RCOR3: variants seen among roughly 807,000 people sequenced by gnomAD.
The protein encoded by RCOR3 is REST corepressor 3.
In RCOR3, 13 loss-of-function variants were observed where a neutral mutation model predicts 64.1. That is an observed-to-expected ratio of 0.20 (90% CI 0.13 to 0.32). The LOEUF is 0.32. RCOR3 is among the 10% of genes least tolerant of loss of function. The pLI is 1.00. For missense variants in RCOR3, 489 were observed against 701.2 expected, an observed-to-expected ratio of 0.70 and a Z score of 3.42; for synonymous variants, 215 against 239.0, an observed-to-expected ratio of 0.90 and a Z score of 0.93.
At chr1:211,285,338 C>A (rs1477861768) in intron 7 of RCOR3, among the ~76,000 whole-genome samples, 1 of 152,178 alleles carries the variant, frequency 6.6e-6, no homozygotes, top group Non-Finnish European at 1.5e-5. Context: ...TTGATGCTAG[C>A]TGTAGGTTGG....
chr1:211,281,872 C>G (rs1697860211), intron 7 of RCOR3, among the ~76,000 whole-genome samples: 1 of 152,150 alleles, frequency 6.6e-6, no homozygotes, highest in Non-Finnish European at 1.5e-5. Flanking sequence ...TTTCCCCTCC[C>G]TGCCTTCCTG....
intron 9 of RCOR3, among the ~76,000 whole-genome samples, chr1:211,296,847 T>C (rs1000030453): frequency 2.6e-5 from 4 of 152,246 alleles, no homozygotes; most frequent in African/African-American, 9.6e-5. Flanking sequence ...ACAAAAATTA[T>C]TTTAATTTTG....
intron 2 of RCOR3, among the ~76,000 whole-genome samples, chr1:211,269,982 T>G (rs1033754412): frequency 6.6e-6 from 1 of 152,228 alleles, no homozygotes; most frequent in East Asian, 1.9e-4. Context: ...AAGAAAGAAA[T>G]TAGAAAATGT....
At position 211,263,277 on chromosome 1, in the gene RCOR3, G is replaced by C. The variant is rs566141402; in HGVS notation, c.223+3113G>C. 2.5e-4 allele frequency among the ~76,000 whole-genome samples: 38 copies of C among 151,780 alleles called. 1 individual carries two copies. Among genetic ancestry groups the C allele is most frequent in the African/African-American group, 8.9e-4 (37 of 41,368 alleles). On this transcript the variant is annotated intron_variant, in intron 2 of 11. Transcript: ENST00000419091. ...TTTCTTAATCCAGTCTATCATTGTT[G>C]GACATTTGGGTTGGTTCCAAGTCTT...
chr1:211,300,786 T>C (rs955645770), intron 9 of RCOR3, among the ~76,000 whole-genome samples: 2 of 152,224 alleles, frequency 1.3e-5, no homozygotes, highest in Non-Finnish European at 2.9e-5. Context: ...GTTTATTGAA[T>C]GTATGCCCCA....
chr1:211,264,436 C>T (rs973128724), intron 2 of RCOR3, among the ~76,000 whole-genome samples: 5 of 152,170 alleles, frequency 3.3e-5, no homozygotes, highest in Admixed American at 3.3e-4. Context: ...AATCCCAGCT[C>T]TTTGGGAGGC....
chr1:211,272,592 G>C (rs566627670), intron 3 of RCOR3, among the ~76,000 whole-genome samples: 1 of 144,842 alleles, frequency 6.9e-6, no homozygotes, highest in African/African-American at 2.5e-5. Context: ...AGGCTTCAAG[G>C]GTGGATCCTG....
Position 211,313,515 on chromosome 1 carries a change from A to T in RCOR3, c.1409A>T (p.Asn470Ile), listed in dbSNP as rs763801630. The T allele has an allele frequency of 6.2e-7, 1 of 1,613,938 alleles. No homozygotes were observed. The highest frequency in any genetic ancestry group is 1.3e-5 in the African/African-American group (1 of 74,876). The stretch of plus-strand genomic sequence containing the variant: ...CCAACAGCCCCTATTGCCACTCTGA[A>T]CCAGCCTCCACCACTTCTTCGTCCA... ...PTPTAPIATL[N>I]QPPPLLRPTL... The change falls in exon 12 of 12, where the codon AAC (asparagine) becomes ATC (isoleucine). Residue 470 changes from asparagine (N) to isoleucine (I), a missense_variant. By Grantham distance (149) the Asn-to-Ile change is moderately radical (BLOSUM62 -3). Transcript: ENST00000419091. The surrounding 1 kb of genome is among the most constrained non-coding windows in gnomAD (Gnocchi z 4.7).
At chr1:211,282,513 T>G (rs1256162840) in intron 7 of RCOR3, among the ~76,000 whole-genome samples, 2 of 151,786 alleles carry the variant, frequency 1.3e-5, no homozygotes, top group Non-Finnish European at 2.9e-5. Flanking sequence ...GTTTTTTTTT[T>G]TTTTTTGAGA....
intron 7 of RCOR3, among the ~76,000 whole-genome samples, chr1:211,281,283 G>A (rs930044061): frequency 3.3e-5 from 5 of 151,912 alleles, no homozygotes; most frequent in Admixed American, 1.3e-4. Flanking sequence ...AATTTTAGTG[G>A]CATCTTTTTC....
Position 211,313,496 on chromosome 1 carries a change from G to T in RCOR3, c.1390G>T (p.Ala464Ser). 6.2e-7 allele frequency: 1 copy of T among 1,614,054 alleles called. No individual in the cohort carries two copies. Among genetic ancestry groups the T allele is most frequent in the Non-Finnish European group, 8.5e-7 (1 of 1,179,990 alleles). Reference protein sequence around the residue: ...PAPSSTPTPTAPIATLNQPPP... With the variant: ...PAPSSTPTPTSPIATLNQPPP... ...CCCATCATCCACTCCAACACCAACAGCCCCTATTGCCACTCTGAACCAGCC... is the reference window on the plus strand; with the variant it reads ...CCCATCATCCACTCCAACACCAACATCCCCTATTGCCACTCTGAACCAGCC... The change falls in exon 12 of 12, where the codon GCC becomes TCC. Residue 464 changes from alanine to serine, a missense_variant. Ala to Ser is a moderately conservative substitution (Grantham distance 99, BLOSUM62 1). Transcript: ENST00000419091. This position sits in a 1 kb window ranked among gnomAD's most constrained non-coding sequence, Gnocchi z 4.7.
intron 2 of RCOR3, among the ~76,000 whole-genome samples, chr1:211,261,686 C>T (rs891780990): frequency 3.3e-5 from 5 of 152,040 alleles, no homozygotes; most frequent in African/African-American, 1.2e-4. Flanking sequence ...CTTTGGGAGG[C>T]TGAGGCGGGT....
chr1:211,274,211 G>A lies in RCOR3; in HGVS notation c.303G>A (p.Leu101=). The A allele has an allele frequency of 6.3e-7, 1 of 1,593,038 alleles. No individual in the cohort carries two copies. The highest frequency in any genetic ancestry group is 8.6e-7 in the Non-Finnish European group (1 of 1,162,404). ...SPYHSIPDAK[L]DEYIAIAKEK... is the part of the protein sequence containing the mutation. ...TTATATAACATTATTTCATTGCAGT[G>A]GATGAATACATTGCAATTGCAAAGG... The change falls in exon 4 of 12, where the codon TTG becomes TTA. Residue 101 remains leucine (L), a splice_region_variant and synonymous_variant. Coordinates refer to ENST00000419091, the MANE Select transcript of RCOR3 (RefSeq NM_001136223.3).
chr1:211,296,132 A>T (rs147762505), intron 9 of RCOR3, among the ~76,000 whole-genome samples: 3 of 152,204 alleles, frequency 2.0e-5, no homozygotes, highest in African/African-American at 7.2e-5. Flanking sequence ...GAAAAATATC[A>T]TGAAAACAAG....
intron 9 of RCOR3, among the ~76,000 whole-genome samples, chr1:211,296,120 A>C (rs1699840199): frequency 6.6e-6 from 1 of 152,180 alleles, no homozygotes; most frequent in African/African-American, 2.4e-5. Context: ...GTAACACGGC[A>C]AGAAAAATAT....
At position 211,295,512 on chromosome 1, in the gene RCOR3, A is replaced by G. The variant is rs187469007; in HGVS notation, c.940-164A>G. ...ATGTTTAATTAGTTCATACATGTAT[A>G]AGTTGAATTAGTGGCATGTCATACC... On this transcript the variant is annotated intron_variant, in intron 8 of 11. Transcript: ENST00000419091. Among the ~76,000 whole-genome samples, 28 of 152,314 alleles carry G rather than the reference A, an allele frequency of 1.8e-4. No homozygotes were observed. In the East Asian group the frequency reaches 5.2e-3, roughly 28 times the overall value.
At chr1:211,273,311 A>G (rs1696496213) in intron 3 of RCOR3, among the ~76,000 whole-genome samples, 1 of 152,222 alleles carries the variant, frequency 6.6e-6, no homozygotes, top group Admixed American at 6.5e-5. Context: ...GAGTGAGGAA[A>G]CTAAGGTACA....
intron 1 of RCOR3, 60 bp from the exon 2 acceptor site, chr1:211,260,048 C>CTT: frequency 6.7e-7 from 1 of 1,500,732 alleles, no homozygotes; most frequent in Non-Finnish European, 8.8e-7. Context: ...GTGTCTCTTC[C>CTT]TTTTTCTTTC....
intron 6 of RCOR3, 41 bp from the exon 7 acceptor site, chr1:211,279,197 A>T: frequency 7.0e-7 from 1 of 1,420,654 alleles, no homozygotes; most frequent in South Asian, 1.2e-5. Flanking sequence ...TAAAAAAAAA[A>T]AAAAAGGGAA....
Sources: allele counts gnomAD v4.1 joint callset (sites outside exome capture counted in the v4.1 genomes callset), GRCh38; gene constraint gnomAD v4.1.1; non-coding constraint Gnocchi (gnomAD v3.1); transcripts MANE v1.5; gene names NCBI Gene and HGNC (gene_info 2026-07-23, HGNC 2026-07-21).